PAX6: variants seen among roughly 807,000 people sequenced by gnomAD.
PAX6 encodes paired box protein Pax-6.
In PAX6, 7 loss-of-function variants were observed where a neutral mutation model predicts 60.7. The ratio of observed to expected loss-of-function variants is 0.12; its 90% CI spans 0.07 to 0.22. The LOEUF (loss-of-function observed/expected upper bound fraction) is 0.22, where lower values mean the gene tolerates loss of function less well. Ranked by LOEUF, PAX6 falls within the 10% of genes least tolerant of loss-of-function variation. The probability of loss-of-function intolerance (pLI) is 1.00; values close to 1 mark genes in which losing one functional copy is unlikely to be tolerated. For synonymous variants in PAX6, 208 were observed against 201.2 expected, an observed-to-expected ratio of 1.03 and a Z score of -0.29; for missense variants, 355 against 555.2, an observed-to-expected ratio of 0.64 and a Z score of 3.62.
At chr11:31,801,324 CCT>C (rs1290313063) in intron 7 of PAX6, 3 of 1,431,764 alleles carry the variant, frequency 2.1e-6, no homozygotes, top group Non-Finnish European at 2.7e-6. Context: ...GTGCCTCCGC[CCT>C]CTGTTTTGCA....
intron 8 of PAX6, among the ~76,000 whole-genome samples, chr11:31,797,169 A>G (rs1951847079): frequency 6.6e-6 from 1 of 152,082 alleles, no homozygotes; most frequent in Admixed American, 6.5e-5. Context: ...GGAGAACACA[A>G]TGCCCATCTC....
rs1389512770 is a variant in PAX6, at chr11:31,790,699, C to T, written c.1225+11G>A. ...TCGCCTCTGTGCAGCCTGCAGAAAG[C>T]AGTGGCTCACCTGTTGAAGTGGTGC... is the stretch of plus-strand genomic sequence containing the variant. On this transcript the variant is annotated intron_variant, in intron 13 of 13. Transcript: ENST00000640368. The T allele has an allele frequency of 3.7e-6, 6 of 1,613,982 alleles. No homozygotes were observed. The East Asian group carries it at 1.3e-4, about 36-fold the overall frequency.
chr11:31,799,679 T>A (rs1302425918), intron 8 of PAX6, among the ~76,000 whole-genome samples: 1 of 152,112 alleles, frequency 6.6e-6, no homozygotes, highest in East Asian at 1.9e-4. Context: ...CCCGACTCCA[T>A]GGAGGCGCCG....
chr11:31,814,990 G>GTCTCCCTCTCTCTCTCTCTC (rs1957306273), upstream of PAX6: 1 of 130,368 alleles, frequency 7.7e-6, no homozygotes, highest in South Asian at 2.5e-4. Flanking sequence ...AGGCCAGCCT[G>GTCTCCCTCTCTCTCTCTCTC]TCTCTCTCTC....
chr11:31,801,461 A>T, intron 7 of PAX6, 100 bp downstream of exon 7: 1 of 1,595,224 alleles, frequency 6.3e-7, no homozygotes, highest in Non-Finnish European at 8.5e-7. Context: ...CAGGGAGAGG[A>T]CACAGACTAA....
In PAX6 at chr11:31,790,667, A is replaced by G. The variant is rs3026393; in HGVS notation, c.1225+43T>C. 5.6e-6 allele frequency: 9 copies of G among 1,612,890 alleles called. No individual in the cohort carries two copies. In the South Asian group the frequency reaches 6.6e-5, roughly 12 times the overall value. On this transcript the variant is annotated intron_variant, in intron 13 of 13. Transcript: ENST00000640368. ...TTCTGTTTGGGTAAACTTCTAGTGA[A>G]GAGAGATCGCCTCTGTGCAGCCTGC...
rs1190491499 is a variant in PAX6 at position 31,802,825 on chromosome 11, C to A, written c.20G>T (p.Gly7Val). MQNSHS[G>V]VNQLGGVFVN... ...AAAGACACCACCGAGCTGATTCACTCCGCTGTGACCTGAGGAAAGGGAGAG... is the reference window on the plus strand; with the variant it reads ...AAAGACACCACCGAGCTGATTCACTACGCTGTGACCTGAGGAAAGGGAGAG... The change falls in exon 5 of 14, where the codon GGA becomes GTA. Residue 7 changes from glycine to valine, a missense_variant. Gly to Val is a moderately radical substitution (Grantham distance 109). Around this residue, in one of 5 missense-constraint regions of PAX6, gnomAD observed 41 missense variants for 77.1 expected, o/e 0.53. Coordinates refer to ENST00000640368, the MANE Select transcript of PAX6 (RefSeq NM_001368894.2). 1 of 1,613,678 alleles carries A rather than the reference C, an allele frequency of 6.2e-7. No individual in the cohort carries two copies. Among genetic ancestry groups the A allele is most frequent in the African/African-American group, 1.3e-5 (1 of 74,872 alleles).
chr11:31,812,493 G>C (rs1394900565), upstream of PAX6: 1 of 152,868 alleles, frequency 6.5e-6, no homozygotes, highest in Middle Eastern at 3.4e-3. Flanking sequence ...AAACCGGGGA[G>C]GAAAGTAAGT....
intron 13 of PAX6, chr11:31,790,412 G>T (rs1167802661): frequency 3.1e-6 from 4 of 1,305,576 alleles, no homozygotes; most frequent in Non-Finnish European, 2.9e-6. Flanking sequence ...CTACAGCTCA[G>T]TGGGCCCCCT....
At chr11:31,800,549 ATGTGTCCCAGGC>A in intron 8 of PAX6, 130 bp downstream of exon 8, 1 of 999,592 alleles carries the variant, frequency 1.0e-6, no homozygotes, top group East Asian at 2.4e-5. Context: ...AATGTGGTCG[ATGTGTCCCAGGC>A]CTTCAAATGC....
intron 1 of PAX6, chr11:31,817,774 C>T (rs1957447722): frequency 1.3e-5 from 2 of 152,334 alleles, no homozygotes; most frequent in East Asian, 3.9e-4. Flanking sequence ...CCCGCGGGCC[C>T]CGAGCCGGGC....
intron 2 of PAX6, chr11:31,807,712 C>G (rs1235349773): frequency 6.6e-6 from 1 of 152,238 alleles, no homozygotes; most frequent in Non-Finnish European, 1.5e-5. Flanking sequence ...ACAATGGCTT[C>G]TATTCTCCAG....
At chr11:31,816,602 A>T (rs1332615280) in intron 1 of PAX6, 2 of 702,444 alleles carry the variant, frequency 2.8e-6, no homozygotes, top group Non-Finnish European at 5.2e-6. Flanking sequence ...GCCCAGCTCC[A>T]GGGAGAGGAA....
chr11:31,808,265 T>G (rs1337197286), intron 2 of PAX6: 4 of 152,354 alleles, frequency 2.6e-5, no homozygotes, highest in Admixed American at 2.0e-4. Flanking sequence ...GTCTACTTTT[T>G]AACTACTTGG....
intron 5 of PAX6, 54 bp downstream of exon 5, chr11:31,802,650 G>A: frequency 1.9e-6 from 3 of 1,580,076 alleles, no homozygotes; most frequent in South Asian, 1.1e-5. Context: ...AAGAGAGGGC[G>A]TTGAGAGTGG....
rs1956942213 is a variant in PAX6 at position 31,810,942 on chromosome 11, T to C, written c.-243A>G. On this transcript the variant is annotated 5_prime_UTR_variant, in exon 2 of 14. Transcript: ENST00000640368. The stretch of plus-strand genomic sequence containing the variant: ...CCACAATGGTTTGAAATGACGGTGT[T>C]TTAAAGGAGTTGCTGGTGAGAGTTT... 1 of 399,108 alleles carries C rather than the reference T, an allele frequency of 2.5e-6. No homozygotes were observed. The highest frequency in any genetic ancestry group is 4.4e-5 in the Admixed American group (1 of 22,710). The allele number at this position is 399,108 out of a possible 1,614,324, so 24.7% of individuals were successfully genotyped here. A position where few individuals can be genotyped will look rare whatever the true frequency, so the allele number is the denominator to read the frequency against.
intron 8 of PAX6, 154 bp downstream of exon 8, chr11:31,800,537 A>G (rs1404337348): frequency 2.2e-6 from 2 of 928,796 alleles, no homozygotes; most frequent in Non-Finnish European, 3.5e-6. Context: ...CCACCTACAT[A>G]CAATGTGGTC....
intron 1 of PAX6, chr11:31,816,574 G>A (rs888618273): frequency 8.5e-6 from 6 of 702,528 alleles, no homozygotes; most frequent in African/African-American, 3.5e-5. Context: ...CCACTGCGAA[G>A]CAGGCGACCT....
rs752052976 is a variant in PAX6 at position 31,789,627 on chromosome 11, A to T, written c.*307T>A. 16 of 689,278 alleles carry T rather than the reference A, an allele frequency of 2.3e-5. No individual in the cohort carries two copies. Among genetic ancestry groups the T allele is most frequent in the Non-Finnish European group, 4.0e-5 (15 of 379,478 alleles). The allele number at this position is 689,278 out of a possible 1,614,324, so 42.7% of individuals were successfully genotyped here. A position where few individuals can be genotyped will look rare whatever the true frequency, so the allele number is the denominator to read the frequency against. ...ACCAACACAGATCAAACATCCATCC[A>T]GTCTACATTGTTCTTTTTTTCATTA... On this transcript the variant is annotated 3_prime_UTR_variant, in exon 14 of 14. Coordinates refer to ENST00000640368, the MANE Select transcript of PAX6 (RefSeq NM_001368894.2).
Sources: gnomAD v4.1 joint callset for allele counts (sites outside exome capture counted in the v4.1 genomes callset) on GRCh38, gnomAD v4.1.1 for gene constraint, gnomAD v4.1.1 regional missense constraint, MANE v1.5 for transcripts, NCBI Gene and HGNC (gene_info 2026-07-23, HGNC 2026-07-21) for gene names.